ZBTB34: variants seen among roughly 807,000 people sequenced by gnomAD.
ZBTB34 encodes zinc finger and BTB domain containing 34.
In ZBTB34, 1 loss-of-function variant was observed where a neutral mutation model predicts 33.4. The ratio of observed to expected loss-of-function variants is 0.03; its 90% CI spans 0.01 to 0.14. The LOEUF is 0.14. Among genes scored for constraint, ZBTB34 ranks in the 10% least tolerant of loss-of-function variants. ZBTB34 has a pLI of 1.00. For missense variants in ZBTB34, 406 were observed against 657.2 expected, an observed-to-expected ratio of 0.62 and a Z score of 4.18; for synonymous variants, 283 against 253.5, an observed-to-expected ratio of 1.12 and a Z score of -1.11.
chr9:126,878,362 C>A (rs930989559), intron 1 of ZBTB34, among the ~76,000 whole-genome samples: 3 of 151,876 alleles, frequency 2.0e-5, no homozygotes, highest in Admixed American at 6.6e-5. Context: ...CCCAGCTATT[C>A]AGGAGGCTGA....
chr9:126,876,727 A>C (rs1047063155), intron 1 of ZBTB34, among the ~76,000 whole-genome samples: 1 of 152,220 alleles, frequency 6.6e-6, no homozygotes, highest in Non-Finnish European at 1.5e-5. Context: ...CCTGAAGATC[A>C]TTTGTGCCTT....
At chr9:126,867,724 G>A (rs2033226678) in intron 1 of ZBTB34, among the ~76,000 whole-genome samples, 1 of 149,392 alleles carries the variant, frequency 6.7e-6, no homozygotes, top group South Asian at 2.1e-4. Context: ...CTTTGTGTCA[G>A]TGTTATAAAT....
At chr9:126,863,855 T>C (rs546949615) in intron 1 of ZBTB34, 1 of 243,744 alleles carries the variant, frequency 4.1e-6, no homozygotes, top group South Asian at 1.5e-4. Flanking sequence ...AGAAAGCTTA[T>C]TTTATCTGAA....
intron 1 of ZBTB34, among the ~76,000 whole-genome samples, chr9:126,866,395 C>G (rs554043343): frequency 2.0e-4 from 31 of 152,088 alleles, no homozygotes; most frequent in Non-Finnish European, 4.6e-4. Context: ...TGACTGTGGC[C>G]TTCTCCTTCC....
At chr9:126,877,312 C>T (rs2033375459) in intron 1 of ZBTB34, among the ~76,000 whole-genome samples, 1 of 152,192 alleles carries the variant, frequency 6.6e-6, no homozygotes, top group Non-Finnish European at 1.5e-5. Flanking sequence ...TTTGCTTTAT[C>T]ACATATCTGT....
intron 1 of ZBTB34, among the ~76,000 whole-genome samples, chr9:126,877,543 G>A (rs137876614): frequency 2.0e-5 from 3 of 152,260 alleles, no homozygotes; most frequent in Non-Finnish European, 4.4e-5. Context: ...ATGGAGCCGG[G>A]GCTATATATA....
intron 1 of ZBTB34, among the ~76,000 whole-genome samples, chr9:126,868,251 C>T (rs2033234177): frequency 6.6e-6 from 1 of 152,164 alleles, no homozygotes; most frequent in Admixed American, 6.5e-5. Flanking sequence ...GTGATGGATT[C>T]TGTAGCTTTT....
chr9:126,884,195 G>C (rs2033487747), exon 2 of ZBTB34: 1 of 167,038 alleles, frequency 6.0e-6, no homozygotes, highest in Non-Finnish European at 1.5e-5. Context: ...ACAATGTGAA[G>C]ACAGTGACAG....
At chr9:126,866,898 G>A (rs1364959394) in intron 1 of ZBTB34, among the ~76,000 whole-genome samples, 1 of 152,078 alleles carries the variant, frequency 6.6e-6, no homozygotes, top group African/African-American at 2.4e-5. Flanking sequence ...AGTACCACGT[G>A]GTTCCTTCCA....
intron 1 of ZBTB34, among the ~76,000 whole-genome samples, chr9:126,868,008 G>A (rs1437398806): frequency 6.6e-6 from 1 of 152,266 alleles, no homozygotes; most frequent in Non-Finnish European, 1.5e-5. Flanking sequence ...TACTAACTCA[G>A]TGAGGGTGGG....
intron 1 of ZBTB34, among the ~76,000 whole-genome samples, chr9:126,866,420 CCCTGAGCTGGGGCCACTG>C (rs2033202442): frequency 6.6e-6 from 1 of 152,162 alleles, no homozygotes. Flanking sequence ...CCTTCCTTGT[CCCTGAGCTGGGGCCACTG>C]CATGCTGCCT....
intron 1 of ZBTB34, chr9:126,863,592 C>G: frequency 1.8e-6 from 1 of 558,632 alleles, no homozygotes; most frequent in Non-Finnish European, 2.3e-6. Context: ...TGTTTTGTAG[C>G]TGACAAACTG....
intron 1 of ZBTB34, chr9:126,863,761 T>G: frequency 1.0e-6 from 1 of 976,160 alleles, no homozygotes; most frequent in African/African-American, 1.7e-5. Flanking sequence ...TTAATGTATT[T>G]TCCAGGGCCA....
exon 2 of ZBTB34, chr9:126,881,050 G>A (rs1225612083): frequency 5.9e-6 from 6 of 1,016,954 alleles, no homozygotes; most frequent in Non-Finnish European, 8.5e-6. Context: ...TTTCTGGATG[G>A]AACACTTCGT....
chr9:126,874,022 C>G (rs184567091), intron 1 of ZBTB34, among the ~76,000 whole-genome samples: 3 of 144,564 alleles, frequency 2.1e-5, no homozygotes, highest in African/African-American at 7.7e-5. Flanking sequence ...GTGAGAGACT[C>G]TGCTGTGTAT....
chr9:126,867,716 T>C lies in ZBTB34; in HGVS notation c.-11+6977T>C, dbSNP rs2033226464. Among the ~76,000 whole-genome samples the C allele has an allele frequency of 2.6e-5, 4 of 152,148 alleles. No homozygotes were observed. The South Asian group carries it at 8.3e-4, about 32-fold the overall frequency. On this transcript the variant is annotated intron_variant, in intron 1 of 1. Transcript: ENST00000319119. ...ATTTATGTCATGCTTGGAAAGGCCT[T>C]TGTGTCAGTGTTATAAATAAATTCA...
chr9:126,872,992 TC>T (rs1429497371), intron 1 of ZBTB34, among the ~76,000 whole-genome samples: 1 of 152,216 alleles, frequency 6.6e-6, no homozygotes, highest in Non-Finnish European at 1.5e-5. Context: ...GGGGGAAGCC[TC>T]ATTGGGAAGC....
intron 1 of ZBTB34, among the ~76,000 whole-genome samples, chr9:126,861,433 C>T (rs937774500): frequency 1.3e-5 from 2 of 152,214 alleles, no homozygotes; most frequent in African/African-American, 4.8e-5. Context: ...CCGCAAGCCC[C>T]TTCCATGCTA....
intron 1 of ZBTB34, among the ~76,000 whole-genome samples, chr9:126,867,755 T>C (rs2033227253): frequency 6.6e-6 from 1 of 151,740 alleles, no homozygotes; most frequent in Non-Finnish European, 1.5e-5. Flanking sequence ...ATGTTGTCTT[T>C]CATTTTTTTG....
Sources: allele counts gnomAD v4.1 joint callset (sites outside exome capture counted in the v4.1 genomes callset), GRCh38; gene constraint gnomAD v4.1.1; transcripts MANE v1.5; gene names NCBI Gene and HGNC (gene_info 2026-07-23, HGNC 2026-07-21).